Variants in CRACDL observed in about 807,000 individuals in gnomAD.
CRACDL encodes the protein CRACD-like protein.
Under a neutral mutation model 70.6 loss-of-function variants are expected in CRACDL, and 26 were observed. The observed-to-expected ratio is 0.37, with a 90% confidence interval of 0.27 to 0.51. The LOEUF (loss-of-function observed/expected upper bound fraction) is 0.51. Ranked by LOEUF, CRACDL falls within the 20% of genes least tolerant of loss-of-function variation. CRACDL has a pLI of 0.94. For missense variants in CRACDL, 1,283 were observed against 1,376.9 expected (o/e 0.93, Z 1.08); for synonymous variants, 618 against 615.2 (o/e 1.00, Z -0.07).
chr2:98,815,444 C>T (rs2176017), intron 7 of CRACDL, among the ~76,000 whole-genome samples: 148,273 of 152,312 alleles, frequency 0.97, 72,220 homozygotes, highest in Middle Eastern at 1. Flanking sequence ...CAAGGTTCTA[C>T]GGCTAGAAAG....
chr2:98,876,732 T>C (rs886867584), intron 1 of CRACDL, among the ~76,000 whole-genome samples: 7 of 152,222 alleles, frequency 4.6e-5, no homozygotes, highest in Non-Finnish European at 1.0e-4. Context: ...CATTTTCTCA[T>C]TGTGTACAAG....
chr2:98,864,545 A>G (rs1049734199), intron 1 of CRACDL, among the ~76,000 whole-genome samples: 2 of 146,252 alleles, frequency 1.4e-5, no homozygotes, highest in Non-Finnish European at 3.0e-5. Context: ...CATTGATTGT[A>G]CCCTTTTTTT....
At chr2:98,892,009 A>T (rs950040998) in intron 1 of CRACDL, among the ~76,000 whole-genome samples, 1 of 152,130 alleles carries the variant, frequency 6.6e-6, no homozygotes, top group African/African-American at 2.4e-5. Context: ...TAACAATCAG[A>T]CTCCTGGAAA....
At chr2:98,835,114 C>A (rs758431030) in intron 3 of CRACDL, among the ~76,000 whole-genome samples, 2 of 151,860 alleles carry the variant, frequency 1.3e-5, no homozygotes, top group African/African-American at 2.4e-5. Flanking sequence ...CATAAGGAGC[C>A]CTGGTTTCAA....
At chr2:98,853,912 A>T (rs1263442774) in intron 1 of CRACDL, among the ~76,000 whole-genome samples, 1 of 152,200 alleles carries the variant, frequency 6.6e-6, no homozygotes, top group African/African-American at 2.4e-5. Flanking sequence ...TAAAATTTAT[A>T]ATGGAACACC....
At chr2:98,803,228 T>C (rs899019799) in intron 7 of CRACDL, among the ~76,000 whole-genome samples, 13 of 151,998 alleles carry the variant, frequency 8.6e-5, no homozygotes, top group African/African-American at 2.9e-4. Context: ...TCTCGATCTC[T>C]TGACCTCGTG....
At chr2:98,922,997 C>T (rs1471190830) in intron 1 of CRACDL, among the ~76,000 whole-genome samples, 2 of 152,104 alleles carry the variant, frequency 1.3e-5, no homozygotes, top group African/African-American at 4.8e-5. Flanking sequence ...AGGCCAGGAG[C>T]GGTGGCTTAT....
chr2:98,898,543 CA>C (rs1355995285), intron 1 of CRACDL, among the ~76,000 whole-genome samples: 2 of 152,266 alleles, frequency 1.3e-5, no homozygotes, highest in African/African-American at 4.8e-5. Flanking sequence ...AGGGCACATG[CA>C]CCAGAGTCAG....
At chr2:98,853,362 A>ATATT (rs1706560321) in intron 1 of CRACDL, among the ~76,000 whole-genome samples, 1 of 152,218 alleles carries the variant, frequency 6.6e-6, no homozygotes, top group African/African-American at 2.4e-5. Context: ...ACAAAGAACA[A>ATATT]CCCAATATTC....
At chr2:98,897,093 C>A (rs956255517) in intron 1 of CRACDL, among the ~76,000 whole-genome samples, 2 of 152,018 alleles carry the variant, frequency 1.3e-5, no homozygotes, top group Non-Finnish European at 2.9e-5. Context: ...CCCCTAAAAT[C>A]CTCCCCCATG....
At chr2:98,797,262 C>T (rs1575313963) in intron 8 of CRACDL, 88 bp downstream of exon 8, 6 of 1,241,818 alleles carry the variant, frequency 4.8e-6, no homozygotes, top group African/African-American at 1.5e-5. Context: ...GCCCATGCAG[C>T]ACATGTGGTC....
chr2:98,822,462 C>T lies in CRACDL; in HGVS notation c.1811G>A (p.Gly604Asp). ...ASGRLPLARS[G>D]PVWRSEAALD... ...AGCCGCCTCGCTCCTCCAGACCGGG[C>T]CGCTCCTCGCGAGGGGCAGGCGGCC... The change falls in exon 7 of 10, where the codon GGC becomes GAC. Residue 604 changes from glycine to aspartate, a missense_variant. Gly to Asp is a moderately conservative substitution (Grantham distance 94). Transcript: ENST00000397899. The surrounding 1 kb of genome is among the most constrained non-coding windows in gnomAD (Gnocchi z 4.9). 6.8e-7 allele frequency: 1 copy of T among 1,477,148 alleles called. No homozygotes were observed. The highest frequency in any genetic ancestry group is 1.3e-5 in the South Asian group (1 of 78,436). 91.5% of individuals were successfully genotyped at this position (1,477,148 alleles called of 1,614,324 possible). A position where few individuals can be genotyped will look rare whatever the true frequency, so the allele number is the denominator to read the frequency against.
At chr2:98,878,328 C>T (rs1322945564) in intron 1 of CRACDL, among the ~76,000 whole-genome samples, 1 of 152,088 alleles carries the variant, frequency 6.6e-6, no homozygotes. Context: ...TTTTACTATC[C>T]CTTTTCTATG....
chr2:98,856,615 A>C (rs1706709684), intron 1 of CRACDL, among the ~76,000 whole-genome samples: 1 of 152,232 alleles, frequency 6.6e-6, no homozygotes, highest in Non-Finnish European at 1.5e-5. Flanking sequence ...TCAAAAAGCA[A>C]TGGCATAAAA....
chr2:98,865,822 C>T (rs1193271519), intron 1 of CRACDL, among the ~76,000 whole-genome samples: 7 of 138,652 alleles, frequency 5.0e-5, no homozygotes, highest in African/African-American at 8.2e-5. Context: ...TTTTTTGAGA[C>T]GGAGTTTCGC....
intron 1 of CRACDL, among the ~76,000 whole-genome samples, chr2:98,851,208 C>T (rs1706468414): frequency 6.6e-6 from 1 of 152,170 alleles, no homozygotes; most frequent in Non-Finnish European, 1.5e-5. Context: ...CTGAACATCC[C>T]TTCCTCCCAA....
At chr2:98,811,355 C>CA (rs1417352456) in intron 7 of CRACDL, among the ~76,000 whole-genome samples, 6 of 151,088 alleles carry the variant, frequency 4.0e-5, no homozygotes, top group Admixed American at 6.6e-5. Flanking sequence ...CCTAAAAATA[C>CA]AAAAAAATTA....
At chr2:98,888,340 T>C (rs564781072) in intron 1 of CRACDL, among the ~76,000 whole-genome samples, 2 of 152,312 alleles carry the variant, frequency 1.3e-5, no homozygotes, top group South Asian at 2.1e-4. Flanking sequence ...TTAATGAGCA[T>C]ATAAAGACAT....
intron 1 of CRACDL, among the ~76,000 whole-genome samples, chr2:98,853,364 C>G (rs1344370101): frequency 6.6e-6 from 1 of 152,038 alleles, no homozygotes; most frequent in Non-Finnish European, 1.5e-5. Context: ...AAAGAACAAC[C>G]CAATATTCTA....
Sources: allele counts gnomAD v4.1 joint callset (sites outside exome capture counted in the v4.1 genomes callset), GRCh38; gene constraint gnomAD v4.1.1; non-coding constraint Gnocchi (gnomAD v3.1); transcripts MANE v1.5; gene names NCBI Gene and HGNC (gene_info 2026-07-23, HGNC 2026-07-21).